GLB1L3: variants seen among roughly 807,000 people sequenced by gnomAD.
GLB1L3 encodes beta-galactosidase-1-like protein 3.
In GLB1L3, 89 loss-of-function variants were observed where a neutral mutation model predicts 89.5. The ratio of observed to expected loss-of-function variants is 0.99; its 90% CI spans 0.84 to 1.19. The LOEUF is 1.19. GLB1L3 is among the 50% of genes most tolerant of loss of function. The pLI, the probability that GLB1L3 is intolerant of heterozygous loss-of-function variation, is 0.00. For synonymous variants in GLB1L3, 314 were observed against 312.3 expected (o/e 1.01, Z -0.06); for missense variants, 812 against 813.3 (o/e 1.00, Z 0.02).
chr11:134,277,192 TG>T, intron 1 of GLB1L3, 133 bp from the exon 2 acceptor site: 2 of 1,154,656 alleles, frequency 1.7e-6, no homozygotes, highest in Non-Finnish European at 2.6e-6. Context: ...TGGGCCCGCC[TG>T]GAAGACCCGC....
chr11:134,277,165 C>A, intron 1 of GLB1L3, 161 bp from the exon 2 acceptor site: 1 of 833,946 alleles, frequency 1.2e-6, no homozygotes, highest in Non-Finnish European at 2.0e-6. Context: ...CCGGGTGATG[C>A]CGCGCTGTCC....
intron 3 of GLB1L3, among the ~76,000 whole-genome samples, chr11:134,278,458 G>T (rs1333197050): frequency 6.6e-6 from 1 of 151,910 alleles, no homozygotes; most frequent in Admixed American, 6.6e-5. Context: ...CTAATTTTTT[G>T]AATTGTTTGT....
intron 1 of GLB1L3, 135 bp from the exon 2 acceptor site, chr11:134,277,191 C>T (rs1397079162): frequency 1.7e-6 from 2 of 1,143,738 alleles, no homozygotes; most frequent in Non-Finnish European, 1.3e-6. Context: ...CTGGGCCCGC[C>T]TGGAAGACCC....
rs1940436815 is a variant in GLB1L3, at chr11:134,277,421, T to C, written c.119T>C (p.Met40Thr). The change falls in exon 2 of 20, where the codon ATG (methionine) becomes ACG (threonine). Residue 40 changes from methionine (M) to threonine (T), a missense_variant. This residue lies in a region of GLB1L3 where 191 missense variants were observed against 191.4 expected (regional missense o/e 1.00). Coordinates refer to ENST00000431683, the MANE Select transcript of GLB1L3 (RefSeq NM_001080407.3). ...CGGTTTAAGCAGGAAGAGAACTTCA[T>C]GCTTGGAAGAGCGCATCCGTCCCAG... ...APRFKQEENFMLGRAHPSQPR... is the reference protein window; with the variant it reads ...APRFKQEENFTLGRAHPSQPR... 1.2e-6 allele frequency: 2 copies of C among 1,613,876 alleles called. No individual in the cohort carries two copies. The highest frequency in any genetic ancestry group is 1.7e-6 in the Non-Finnish European group (2 of 1,179,822).
At chr11:134,322,240 A>G (rs1407190330), downstream of GLB1L3, among the ~76,000 whole-genome samples, 1 of 152,208 alleles carries the variant, frequency 6.6e-6, no homozygotes, top group African/African-American at 2.4e-5. Context: ...AGTAATGGAA[A>G]TTCAATTCCT....
At chr11:134,296,760 G>A (rs1386499927) in intron 9 of GLB1L3, among the ~76,000 whole-genome samples, 1 of 151,036 alleles carries the variant, frequency 6.6e-6, no homozygotes, top group Non-Finnish European at 1.5e-5. Context: ...GTTAATGGGT[G>A]CAGCGCACCA....
chr11:134,309,527 T>A (rs1942616486), intron 10 of GLB1L3, 99 bp from the exon 11 acceptor site: 1 of 799,370 alleles, frequency 1.3e-6, no homozygotes, highest in South Asian at 2.3e-5. Flanking sequence ...TTACTGTAAC[T>A]GATTGTGGAG....
intron 10 of GLB1L3, among the ~76,000 whole-genome samples, chr11:134,308,483 C>CCATCACCAT (rs1565413986): frequency 4.3e-4 from 4 of 9,230 alleles, no homozygotes; most frequent in African/African-American, 1.6e-3. Context: ...AATACCACCA[C>CCATCACCAT]CACCATCACC....
At chr11:134,311,828 G>A (rs1319416899) in intron 13 of GLB1L3, 1 of 152,614 alleles carries the variant, frequency 6.6e-6, no homozygotes, top group African/African-American at 2.4e-5. Flanking sequence ...ACAGGGTCTT[G>A]CTTGGTGGCT....
chr11:134,296,949 G>A (rs959911655), intron 9 of GLB1L3, among the ~76,000 whole-genome samples: 3 of 151,712 alleles, frequency 2.0e-5, no homozygotes, highest in Admixed American at 6.6e-5. Context: ...GATGATATTG[G>A]CCAAGTAATC....
chr11:134,301,868 AT>A (rs1363697065), intron 9 of GLB1L3, among the ~76,000 whole-genome samples: 1 of 152,130 alleles, frequency 6.6e-6, no homozygotes, highest in Admixed American at 6.5e-5. Flanking sequence ...TAATTTTTAA[AT>A]TTTCAGACAT....
chr11:134,321,567 C>T (rs1943169352), downstream of GLB1L3, among the ~76,000 whole-genome samples: 1 of 152,128 alleles, frequency 6.6e-6, no homozygotes, highest in Non-Finnish European at 1.5e-5. Flanking sequence ...GGCACATATA[C>T]TCCATGGAAT....
At chr11:134,277,296 C>G in intron 1 of GLB1L3, 30 bp from the exon 2 acceptor site, 1 of 1,613,630 alleles carries the variant, frequency 6.2e-7, no homozygotes, top group Non-Finnish European at 8.5e-7. Flanking sequence ...GGAACCTTCC[C>G]CTTGTCACTG....
At chr11:134,305,615 AAG>A (rs1332134852) in intron 9 of GLB1L3, among the ~76,000 whole-genome samples, 2 of 152,226 alleles carry the variant, frequency 1.3e-5, no homozygotes, top group Non-Finnish European at 2.9e-5. Flanking sequence ...ATGGAAAATT[AAG>A]GATCTGTATT....
At chr11:134,300,360 T>C (rs1481279957) in intron 9 of GLB1L3, among the ~76,000 whole-genome samples, 2 of 150,612 alleles carry the variant, frequency 1.3e-5, no homozygotes, top group South Asian at 2.1e-4. Context: ...TGAGACATAG[T>C]CTTGCTCTGT....
At chr11:134,308,285 TAC>T (rs1565412971) in intron 10 of GLB1L3, among the ~76,000 whole-genome samples, 21 of 20,942 alleles carry the variant, frequency 1.0e-3, no homozygotes, top group Middle Eastern at 0.016. Context: ...CACCACCAAA[TAC>T]CACCACCACC....
chr11:134,320,165 C>A (rs80003954), downstream of GLB1L3, among the ~76,000 whole-genome samples: 2,726 of 152,206 alleles, frequency 0.018, 38 homozygotes, highest in Non-Finnish European at 0.029. Flanking sequence ...AATCTTATCA[C>A]CCTGTTAAAT....
intron 6 of GLB1L3, among the ~76,000 whole-genome samples, chr11:134,286,742 A>C (rs955355337): frequency 6.6e-6 from 1 of 151,686 alleles, no homozygotes. Flanking sequence ...GCGCCACCGC[A>C]CTCCAGCCTG....
downstream of GLB1L3, among the ~76,000 whole-genome samples, chr11:134,323,396 TACACACACACACAC>T (rs61583599): frequency 1.3e-5 from 2 of 148,628 alleles, no homozygotes; most frequent in African/African-American, 5.0e-5. Flanking sequence ...CACACACACG[TACACACACACACAC>T]ACACACACAC....
Sources: allele counts gnomAD v4.1 joint callset (sites outside exome capture counted in the v4.1 genomes callset), GRCh38; gene constraint gnomAD v4.1.1; regional missense constraint gnomAD v4.1.1; transcripts MANE v1.5; gene names NCBI Gene and HGNC (gene_info 2026-07-23, HGNC 2026-07-21).